The following NBPF12 variants were observed in gnomAD, a reference collection of about 807,000 sequenced individuals.
NBPF12 encodes the protein NBPF member 12, also known as NBPF family member NBPF12.
A neutral mutation model predicts 146.4 loss-of-function variants in NBPF12; 115 were observed. The ratio of observed to expected loss-of-function variants is 0.79; its 90% confidence interval spans 0.68 to 0.92. The LOEUF (loss-of-function observed/expected upper bound fraction) is 0.92, where lower values mean the gene tolerates loss of function less well. NBPF12 is among the 40% of genes least tolerant of loss of function. The probability of loss-of-function intolerance (pLI) is 0.00; values close to 1 mark genes in which losing one functional copy is unlikely to be tolerated. For missense variants in NBPF12, 1,205 were observed against 1,326.8 expected (o/e 0.91, Z 1.43); for synonymous variants, 385 against 508.9 (o/e 0.76, Z 3.28).
exon 11 of NBPF12, chr1:146,969,565 G>A (rs1383344329): frequency 6.2e-7 from 1 of 1,608,702 alleles, no homozygotes; most frequent in Non-Finnish European, 8.5e-7. Flanking sequence ...GGTGTAGACT[G>A]GCACAGCACC....
chr1:146,969,279 G>C, intron 10 of NBPF12, 103 bp from the exon 14 acceptor site: 2 of 813,134 alleles, frequency 2.5e-6, no homozygotes, highest in Admixed American at 2.1e-5. Flanking sequence ...CCTTCTGCTT[G>C]GAGGTCTCCT....
intron 19 of NBPF12, among the ~76,000 whole-genome samples, chr1:146,981,811 A>G (rs1417601665): frequency 6.6e-6 from 1 of 150,836 alleles, no homozygotes; most frequent in African/African-American, 2.5e-5. Flanking sequence ...TTGATCTTGA[A>G]TCACTGATAC....
upstream of NBPF12, among the ~76,000 whole-genome samples, chr1:146,948,453 T>G (rs1440146144): frequency 1.3e-5 from 2 of 151,596 alleles, no homozygotes; most frequent in Non-Finnish European, 2.9e-5. Flanking sequence ...CCCCCAACCC[T>G]GTGCTCCCTA....
At chr1:146,971,031 A>G (rs1455261477) in intron 12 of NBPF12, among the ~76,000 whole-genome samples, 152 bp from the exon 16 acceptor site, 2 of 151,414 alleles carry the variant, frequency 1.3e-5, no homozygotes, top group African/African-American at 2.4e-5. Flanking sequence ...TGCAGAGAGA[A>G]GAGGATTGCC....
At chr1:146,966,139 A>G (rs1482571071) in intron 8 of NBPF12, among the ~76,000 whole-genome samples, 2 of 151,990 alleles carry the variant, frequency 1.3e-5, no homozygotes, top group Non-Finnish European at 2.9e-5. Flanking sequence ...AAAGAAAAAA[A>G]TTAAAAAAGC....
intron 2 of NBPF12, among the ~76,000 whole-genome samples, chr1:146,954,988 A>G (rs1276987237): frequency 2.9e-5 from 1 of 34,842 alleles, no homozygotes; most frequent in Non-Finnish European, 5.3e-5. Context: ...ATATATATAT[A>G]TATATATATA....
At chr1:146,994,590 G>C (rs781808442) in exon 34 of NBPF12, 1 of 1,595,916 alleles carries the variant, frequency 6.3e-7, no homozygotes, top group Non-Finnish European at 8.5e-7. Context: ...CCCTTACTAA[G>C]CCGAGAGGTT....
upstream of NBPF12, among the ~76,000 whole-genome samples, chr1:146,945,963 C>T (rs1655040014): frequency 6.6e-6 from 1 of 151,612 alleles, no homozygotes; most frequent in Non-Finnish European, 1.5e-5. Flanking sequence ...CTCCTCTCCT[C>T]CACCCCTGAC....
At chr1:146,984,520 A>G (rs1457828438) in intron 21 of NBPF12, among the ~76,000 whole-genome samples, 1 of 150,614 alleles carries the variant, frequency 6.6e-6, no homozygotes, top group African/African-American at 2.5e-5. Context: ...GCACAAATAC[A>G]GAGTGTCCTT....
chr1:146,942,080 A>G (rs1204421673), intron 1 of NBPF12, among the ~76,000 whole-genome samples: 4 of 150,332 alleles, frequency 2.7e-5, no homozygotes, highest in South Asian at 4.2e-4. Context: ...TTGGTCTCAA[A>G]CCCTTGGGCT....
In NBPF12 at chr1:146,954,773, TG is replaced by T. The variant is rs1228559813; in HGVS notation, c.-184+3285del. Among the ~76,000 whole-genome samples the T allele has an allele frequency of 8.7e-5, 13 of 148,946 alleles. 1 individual carries two copies. The highest frequency in any genetic ancestry group is 6.7e-4 in the Admixed American group (10 of 14,946). On this transcript the variant is annotated intron_variant, in intron 2 of 33. Transcript: ENST00000617844. ...TGAAAATCAAGATTATGTGTTTTGT[TG>T]AAAAAAAAATAGAATATATATCAGT...
At chr1:146,943,952 C>T (rs1260248110) in intron 2 of NBPF12, among the ~76,000 whole-genome samples, 1 of 140,438 alleles carries the variant, frequency 7.1e-6, no homozygotes, top group Non-Finnish European at 1.5e-5. Flanking sequence ...TGGCTCACCC[C>T]CTCCCTGTCC....
At chr1:146,992,410 C>G (rs1163674290) in intron 31 of NBPF12, among the ~76,000 whole-genome samples, 1 of 140,008 alleles carries the variant, frequency 7.1e-6, no homozygotes, top group Non-Finnish European at 1.5e-5. Flanking sequence ...ATCAGTGTGT[C>G]ACCTGGACAA....
intron 2 of NBPF12, among the ~76,000 whole-genome samples, chr1:146,959,511 A>C (rs1361962842): frequency 2.7e-5 from 2 of 74,758 alleles, no homozygotes; most frequent in African/African-American, 1.0e-4. Flanking sequence ...AAAAAAGTCA[A>C]AACAAGAGAA....
At chr1:146,953,034 C>A (rs879186409) in intron 2 of NBPF12, among the ~76,000 whole-genome samples, 6 of 151,420 alleles carry the variant, frequency 4.0e-5, no homozygotes, top group Non-Finnish European at 7.4e-5. Flanking sequence ...AGCGGCGTGC[C>A]TGTAAAGGTC....
At chr1:146,976,367 C>A (rs1553887333) in intron 16 of NBPF12, among the ~76,000 whole-genome samples, 1 of 137,930 alleles carries the variant, frequency 7.3e-6, no homozygotes, top group Admixed American at 7.3e-5. Flanking sequence ...CAACTGCTTT[C>A]CAAAATGAGA....
At chr1:146,994,484 C>A (rs4028590) in exon 34 of NBPF12, 3 of 1,559,486 alleles carry the variant, frequency 1.9e-6, no homozygotes, top group Admixed American at 3.5e-5. Flanking sequence ...CAGCACATCA[C>A]CTTTGCCCTT....
intron 8 of NBPF12, among the ~76,000 whole-genome samples, chr1:146,965,555 G>T (rs1408219893): frequency 4.0e-5 from 6 of 150,456 alleles, no homozygotes; most frequent in East Asian, 1.9e-4. Flanking sequence ...GGCCGAGGCG[G>T]GTGGATCACG....
exon 34 of NBPF12, chr1:146,994,607 C>G: frequency 6.3e-7 from 1 of 1,589,058 alleles, no homozygotes; most frequent in East Asian, 2.2e-5. Context: ...GGTTTCATTC[C>G]TGCAGGCAGG....
Sources: allele counts gnomAD v4.1 joint callset (sites outside exome capture counted in the v4.1 genomes callset), GRCh38; gene constraint gnomAD v4.1.1; transcripts MANE v1.5; gene names NCBI Gene and HGNC (gene_info 2026-07-23, HGNC 2026-07-21).